Variants in ZCWPW2 observed in about 807,000 individuals in gnomAD.
ZCWPW2 encodes the protein zinc finger CW-type and PWWP domain containing 2, also known as zinc finger CW-type PWWP domain protein 2.
In ZCWPW2, 45 loss-of-function variants were observed where a neutral mutation model predicts 46.6. The observed-to-expected ratio is 0.96, with a 90% confidence interval of 0.76 to 1.24. The LOEUF is 1.24. Among genes scored for constraint, ZCWPW2 ranks in the 50% most tolerant of loss-of-function variants. ZCWPW2 has a pLI of 0.00. For synonymous variants in ZCWPW2, 152 were observed against 137.1 expected (o/e 1.11, Z -0.76); for missense variants, 429 against 403.9 (o/e 1.06, Z -0.53).
chr3:28,367,449 G>T (rs62251138), intron 1 of ZCWPW2, among the ~76,000 whole-genome samples: 33,689 of 152,128 alleles, frequency 0.22, 4,262 homozygotes, highest in Middle Eastern at 0.29. Flanking sequence ...ATGTAGTTGT[G>T]TGGTTTTGAG....
chr3:28,452,617 G>T (rs973363291), intron 4 of ZCWPW2, among the ~76,000 whole-genome samples: 1 of 152,130 alleles, frequency 6.6e-6, no homozygotes, highest in Non-Finnish European at 1.5e-5. Flanking sequence ...AATAGAAATT[G>T]TGATAGCATC....
chr3:28,389,095 G>A (rs1236089575), intron 1 of ZCWPW2, among the ~76,000 whole-genome samples: 1 of 152,130 alleles, frequency 6.6e-6, no homozygotes, highest in Non-Finnish European at 1.5e-5. Context: ...CCTAGTGGAA[G>A]CATTTTTCCC....
chr3:28,490,344 A>G (rs141867892), intron 5 of ZCWPW2, among the ~76,000 whole-genome samples: 31 of 152,274 alleles, frequency 2.0e-4, no homozygotes, highest in African/African-American at 7.0e-4. Flanking sequence ...AATATAAATC[A>G]TTCTACCATG....
At chr3:28,484,150 C>T (rs909739409) in intron 5 of ZCWPW2, among the ~76,000 whole-genome samples, 6 of 151,682 alleles carry the variant, frequency 4.0e-5, no homozygotes, top group Non-Finnish European at 7.4e-5. Context: ...AGGAAGTTCC[C>T]GTCCTCCTTG....
chr3:28,507,298 G>A (rs999214981), intron 6 of ZCWPW2, among the ~76,000 whole-genome samples: 4 of 152,064 alleles, frequency 2.6e-5, no homozygotes, highest in African/African-American at 9.7e-5. Flanking sequence ...CTGTTTAATG[G>A]TATTTCCATT....
rs533313559 is a variant in ZCWPW2 at position 28,432,033 on chromosome 3, A to G, written c.333-3077A>G. Among the ~76,000 whole-genome samples, 41 of 152,264 alleles carry G rather than the reference A, an allele frequency of 2.7e-4. 1 individual carries two copies. The highest frequency in any genetic ancestry group is 9.9e-4 in the African/African-American group (41 of 41,548). ...TCATGAGAACTCACTCACTATCACA[A>G]GAACAGCAGCATTGGGGTAACCACC... On this transcript the variant is annotated intron_variant, in intron 3 of 9. Coordinates refer to ENST00000383768, the MANE Select transcript of ZCWPW2 (RefSeq NM_001040432.4).
At chr3:28,464,805 T>TG (rs759196710) in intron 4 of ZCWPW2, among the ~76,000 whole-genome samples, 9 of 152,114 alleles carry the variant, frequency 5.9e-5, no homozygotes, top group East Asian at 1.9e-4. Context: ...TTTTTAATAT[T>TG]GGGGGGAGTA....
intron 4 of ZCWPW2, among the ~76,000 whole-genome samples, chr3:28,470,534 T>C (rs1025714989): frequency 6.7e-6 from 1 of 148,702 alleles, no homozygotes; most frequent in Non-Finnish European, 1.5e-5. Context: ...TAAAAATTCA[T>C]TGAAACAAAT....
At chr3:28,406,507 A>G (rs537238287) in intron 2 of ZCWPW2, among the ~76,000 whole-genome samples, 1 of 152,242 alleles carries the variant, frequency 6.6e-6, no homozygotes, top group Non-Finnish European at 1.5e-5. Flanking sequence ...TGACAACTAC[A>G]TCATGACTTT....
chr3:28,370,161 G>A (rs1008224378), intron 1 of ZCWPW2, among the ~76,000 whole-genome samples: 2 of 152,162 alleles, frequency 1.3e-5, no homozygotes, highest in Non-Finnish European at 1.5e-5. Context: ...TGCACCCACT[G>A]TCCTGCACCC....
At chr3:28,352,669 T>C (rs963181963) in intron 1 of ZCWPW2, among the ~76,000 whole-genome samples, 6 of 152,248 alleles carry the variant, frequency 3.9e-5, no homozygotes, top group African/African-American at 7.2e-5. Flanking sequence ...TTTTGGTATA[T>C]AACTTATGAG....
chr3:28,512,949 G>A (rs892931603), intron 6 of ZCWPW2, among the ~76,000 whole-genome samples: 1 of 152,090 alleles, frequency 6.6e-6, no homozygotes, highest in Admixed American at 6.5e-5. Flanking sequence ...AATCATAAAT[G>A]TAGATAAAAT....
chr3:28,363,904 C>T (rs1416074423), intron 1 of ZCWPW2, among the ~76,000 whole-genome samples: 1 of 152,160 alleles, frequency 6.6e-6, no homozygotes, highest in Non-Finnish European at 1.5e-5. Context: ...ACATTCCCTC[C>T]TTTTGTGAAT....
chr3:28,350,312 A>G (rs1278608841), intron 1 of ZCWPW2, among the ~76,000 whole-genome samples: 1 of 152,210 alleles, frequency 6.6e-6, no homozygotes, highest in Non-Finnish European at 1.5e-5. Context: ...ATATTTTTGA[A>G]TCTTCGTTCA....
At chr3:28,368,202 T>A (rs1705191533) in intron 1 of ZCWPW2, among the ~76,000 whole-genome samples, 1 of 152,190 alleles carries the variant, frequency 6.6e-6, no homozygotes, top group South Asian at 2.1e-4. Flanking sequence ...TGATAGCTGG[T>A]TATTTTGCTC....
chr3:28,383,802 A>T (rs1017164501), intron 1 of ZCWPW2, among the ~76,000 whole-genome samples: 1 of 152,198 alleles, frequency 6.6e-6, no homozygotes, highest in African/African-American at 2.4e-5. Flanking sequence ...AGGGGAAAAA[A>T]GTCAGTTCAC....
chr3:28,523,304 T>A (rs1700771195), intron 9 of ZCWPW2, among the ~76,000 whole-genome samples: 1 of 152,134 alleles, frequency 6.6e-6, no homozygotes, highest in Non-Finnish European at 1.5e-5. Context: ...TGGGTTCTTG[T>A]TCACTTTTAA....
chr3:28,406,680 C>T (rs1338256875), intron 2 of ZCWPW2, among the ~76,000 whole-genome samples: 1 of 152,112 alleles, frequency 6.6e-6, no homozygotes, highest in Admixed American at 6.6e-5. Context: ...ATTAACCTAA[C>T]ATGGTAAATA....
At chr3:28,394,714 G>T (rs920200779) in intron 2 of ZCWPW2, among the ~76,000 whole-genome samples, 6 of 151,962 alleles carry the variant, frequency 3.9e-5, no homozygotes, top group African/African-American at 1.2e-4. Context: ...ACATGCAAAA[G>T]AATTAAATTG....
Sources: allele counts gnomAD v4.1 joint callset (sites outside exome capture counted in the v4.1 genomes callset), GRCh38; gene constraint gnomAD v4.1.1; transcripts MANE v1.5; gene names NCBI Gene and HGNC (gene_info 2026-07-23, HGNC 2026-07-21).